The following PWWP3A variants were observed in gnomAD, a reference collection of about 807,000 sequenced individuals.
PWWP3A encodes PWWP domain-containing DNA repair factor 3A.
PWWP3A carries 53 observed loss-of-function variants against 79.0 expected under a neutral mutation model. The observed-to-expected ratio is 0.67, with a 90% CI of 0.54 to 0.84. PWWP3A has a LOEUF of 0.84. Among genes scored for constraint, PWWP3A ranks in the 40% least tolerant of loss-of-function variants. The pLI, the probability that PWWP3A is intolerant of heterozygous loss-of-function variation, is 0.00. For synonymous variants in PWWP3A, 443 were observed against 394.4 expected, an observed-to-expected ratio of 1.12 and a Z score of -1.46; for missense variants, 973 against 948.0, an observed-to-expected ratio of 1.03 and a Z score of -0.35.
intron 13 of PWWP3A, among the ~76,000 whole-genome samples, chr19:1,375,412 T>C (rs1056077528): frequency 1.1e-4 from 13 of 113,228 alleles, no homozygotes; most frequent in East Asian, 4.3e-4. Flanking sequence ...ATATAATATA[T>C]ATTATATATA....
At chr19:1,361,839 G>A (rs965362173) in intron 5 of PWWP3A, 3 of 166,178 alleles carry the variant, frequency 1.8e-5, no homozygotes, top group East Asian at 1.7e-4. Flanking sequence ...CCCTCCCTGC[G>A]TATCCGCACC....
chr19:1,367,110 T>A, intron 8 of PWWP3A, 50 bp from the exon 9 acceptor site: 1 of 1,476,172 alleles, frequency 6.8e-7, no homozygotes, highest in Non-Finnish European at 9.4e-7. Context: ...GGTTTTTAGC[T>A]TATTAGAGGA....
chr19:1,364,518 C>T lies in PWWP3A; in HGVS notation c.1223C>T (p.Ser408Leu), dbSNP rs1315361667. The change falls in exon 7 of 14, where the codon TCG becomes TTG. Residue 408 changes from serine (S) to leucine (L), a missense_variant. Transcript: ENST00000591337. Reference sequence around the variant, plus strand: ...TTTTCTTTAATTCTAGAACCACGTTCGTTTGAAGTAGGAATGCTAGTCTGG... The same window carrying T: ...TTTTCTTTAATTCTAGAACCACGTTTGTTTGAAGTAGGAATGCTAGTCTGG... ...PRVLLYHEPR[S>L]FEVGMLVWHK... 8 of 1,599,126 alleles carry T rather than the reference C, an allele frequency of 5.0e-6. No homozygotes were observed. The highest frequency in any genetic ancestry group is 1.1e-5 in the South Asian group (1 of 87,204).
Position 1,370,790 on chromosome 19 carries a change from C to G in PWWP3A, c.1698C>G (p.Ala566=), listed in dbSNP as rs1318075654. The G allele has an allele frequency of 6.5e-7, 1 of 1,548,690 alleles. No homozygotes were observed. The change falls in exon 12 of 14, where the codon GCC becomes GCG. Residue 566 remains alanine (A), a synonymous_variant. Coordinates refer to ENST00000591337, the MANE Select transcript of PWWP3A (RefSeq NM_001369789.1). ...AAATGCTCCCCGACCGCTCGCGGGC[C>G]GCCCGGGACCGGGCCAACCAGAAGC... The part of the protein sequence containing the change: ...CRKMLPDRSR[A]ARDRANQKLV...
chr19:1,358,705 G>T, intron 4 of PWWP3A: 1 of 1,510,256 alleles, frequency 6.6e-7, no homozygotes. Context: ...TCAGTGGTGA[G>T]CATCAAGGTC....
chr19:1,361,062 C>T, intron 5 of PWWP3A, 30 bp downstream of exon 5: 1 of 1,418,648 alleles, frequency 7.0e-7, no homozygotes, highest in Non-Finnish European at 9.2e-7. Flanking sequence ...GAGGAGAGCG[C>T]AGAGGGTGGA....
chr19:1,365,269 G>T lies in PWWP3A; in HGVS notation c.1284+690G>T, dbSNP rs530613495. On this transcript the variant is annotated intron_variant, in intron 7 of 13. Coordinates refer to ENST00000591337, the MANE Select transcript of PWWP3A (RefSeq NM_001369789.1). ...AATTCGAAATCCTGTCCAAGTTCCC[G>T]GTGTGGGTGATGAGTTCAAGCCGGG... Among the ~76,000 whole-genome samples, 3 of 152,252 alleles carry T rather than the reference G, an allele frequency of 2.0e-5. No individual in the cohort carries two copies. The East Asian group carries it at 5.8e-4, about 29-fold the overall frequency.
intron 13 of PWWP3A, chr19:1,373,874 A>T (rs1457371219): frequency 6.6e-6 from 1 of 152,300 alleles, no homozygotes; most frequent in Non-Finnish European, 1.5e-5. Context: ...GCCAGGGAGG[A>T]GGTGTGGGGC....
At position 1,360,964 on chromosome 19, in the gene PWWP3A, C is replaced by G; in HGVS notation, c.1043C>G (p.Pro348Arg). ...CGCAGCACCGCCAGGCTGGGCCCGC[C>G]TCCCTCCCACGCCTCTGCGGATGCA... ...TPRSTARLGP[P>R]PSHASADATR... The change falls in exon 5 of 14, where the codon CCT (proline) becomes CGT (arginine). Residue 348 changes from proline to arginine, a missense_variant. Physicochemically the swap from Pro to Arg is moderately radical, Grantham distance 103. Coordinates refer to ENST00000591337, the MANE Select transcript of PWWP3A (RefSeq NM_001369789.1). This position sits in a 1 kb window ranked among gnomAD's most constrained non-coding sequence, Gnocchi z 4.4. 1 of 1,474,290 alleles carries G rather than the reference C, an allele frequency of 6.8e-7. No homozygotes were observed. The allele number at this position is 1,474,290 out of a possible 1,614,324, so 91.3% of individuals were successfully genotyped here.
At position 1,362,338 on chromosome 19, in the gene PWWP3A, C is replaced by T. The variant is rs1227998766; in HGVS notation, c.1200C>T (p.Val400=). 6.2e-7 allele frequency: 1 copy of T among 1,613,720 alleles called. No homozygotes were observed. Among genetic ancestry groups the T allele is most frequent in the African/African-American group, 1.3e-5 (1 of 74,904 alleles). Residue 400 remains valine (V), a synonymous_variant, in exon 6 of 14, where the codon GTC becomes GTT. Coordinates refer to ENST00000591337, the MANE Select transcript of PWWP3A (RefSeq NM_001369789.1). The part of the protein sequence containing the change: ...EDEEDEEPPR[V]LLYHEPRSFE... The stretch of plus-strand genomic sequence containing the variant: ...AGGAAGACGAGGAGCCACCAAGAGT[C>T]CTTTTATACCACGGTAAGAAATGAT...
intron 13 of PWWP3A, among the ~76,000 whole-genome samples, chr19:1,375,999 C>T (rs1376448034): frequency 1.3e-5 from 2 of 151,128 alleles, no homozygotes; most frequent in African/African-American, 4.9e-5. Context: ...TTAGTAGAGA[C>T]AGCATTTCAC....
At position 1,356,496 on chromosome 19, in the gene PWWP3A, G is replaced by T. The variant is rs74474874; in HGVS notation, c.57+47G>T. On this transcript the variant is annotated intron_variant, in intron 2 of 13. Coordinates refer to ENST00000591337, the MANE Select transcript of PWWP3A (RefSeq NM_001369789.1). The stretch of plus-strand genomic sequence containing the variant: ...CTTCAGGACTTAGAAATGACTTTCG[G>T]GTGACAAGTAAAATCTTGATCAGGA... 2.6e-4 allele frequency: 411 copies of T among 1,583,832 alleles called. No individual in the cohort carries two copies. The African/African-American group carries it at 5.1e-3, about 20-fold the overall frequency.
In PWWP3A at chr19:1,376,760, A is replaced by G; in HGVS notation, c.*184A>G. 1 of 493,106 alleles carries G rather than the reference A, an allele frequency of 2.0e-6. No homozygotes were observed. Among genetic ancestry groups the G allele is most frequent in the Non-Finnish European group, 3.6e-6 (1 of 278,430 alleles). The allele number at this position is 493,106 out of a possible 1,614,324, so 30.5% of individuals were successfully genotyped here. On this transcript the variant is annotated 3_prime_UTR_variant, in exon 14 of 14. Transcript: ENST00000591337. The stretch of plus-strand genomic sequence containing the variant: ...ATCCATTTCGTTAACACTGAAAGCC[A>G]GTTCTCTTTTCCTGGCAGTTTTTTT...
rs1431467573 is a variant in PWWP3A at position 1,378,345 on chromosome 19, C to A, written c.*1769C>A. 6.6e-6 allele frequency: 1 copy of A among 152,330 alleles called. No individual in the cohort carries two copies. The highest frequency in any genetic ancestry group is 2.4e-5 in the African/African-American group (1 of 41,468). The allele number at this position is 152,330 out of a possible 1,614,324, so 9.4% of individuals were successfully genotyped here. The stretch of plus-strand genomic sequence containing the variant: ...ATCACGCGCCCCTGATGGAACTTTT[C>A]TGCTGTTGTGAAGTACTTTTATCCA... On this transcript the variant is annotated 3_prime_UTR_variant, in exon 14 of 14. Transcript: ENST00000591337.
At chr19:1,362,793 C>T (rs906775561) in intron 6 of PWWP3A, among the ~76,000 whole-genome samples, 64 of 152,234 alleles carry the variant, frequency 4.2e-4, no homozygotes, top group African/African-American at 1.4e-3. Context: ...GAACTGCTCC[C>T]GCGCCCCTCC....
intron 13 of PWWP3A, 86 bp from the exon 14 acceptor site, chr19:1,376,433 C>T (rs531650571): frequency 6.6e-6 from 9 of 1,372,550 alleles, no homozygotes; most frequent in African/African-American, 4.3e-5. Flanking sequence ...GGATTACAGG[C>T]GTGAGCGACC....
intron 12 of PWWP3A, 157 bp from the exon 13 acceptor site, chr19:1,372,915 A>G (rs1249142977): frequency 1.8e-5 from 11 of 604,512 alleles, no homozygotes; most frequent in Non-Finnish European, 3.0e-5. Flanking sequence ...ACAAGCAGGG[A>G]TTCATGGACT....
rs151185384 is a variant in PWWP3A at position 1,369,977 on chromosome 19, C to T, written c.1549+331C>T. ...AGGTGCGGAGGCTCACACCTGTAAT[C>T]CCAGCACTTTGGGAGGCTGAAGCAA... is the stretch of plus-strand genomic sequence containing the variant. On this transcript the variant is annotated intron_variant, in intron 11 of 13. Coordinates refer to ENST00000591337, the MANE Select transcript of PWWP3A (RefSeq NM_001369789.1). This position sits in a 1 kb window ranked among gnomAD's most constrained non-coding sequence, Gnocchi z 4.0. Among the ~76,000 whole-genome samples, 1,344 of 152,296 alleles carry T rather than the reference C, an allele frequency of 8.8e-3. 33 individuals are homozygous for T. The highest frequency in any genetic ancestry group is 0.031 in the African/African-American group (1,274 of 41,558).
intron 8 of PWWP3A, among the ~76,000 whole-genome samples, chr19:1,366,831 G>A (rs895783263): frequency 3.3e-5 from 5 of 152,264 alleles, no homozygotes; most frequent in East Asian, 3.8e-4. Context: ...TAGAACCATC[G>A]CATTGCATAT....
Sources: allele counts gnomAD v4.1 joint callset (sites outside exome capture counted in the v4.1 genomes callset), GRCh38; gene constraint gnomAD v4.1.1; non-coding constraint Gnocchi (gnomAD v3.1); transcripts MANE v1.5; gene names NCBI Gene and HGNC (gene_info 2026-07-23, HGNC 2026-07-21).